The following TAB2 variants were observed in gnomAD, a reference collection of about 807,000 sequenced individuals.
TAB2 encodes the protein TGF-beta activated kinase 1 (MAP3K7) binding protein 2, also known as TGF-beta-activated kinase 1 and MAP3K7-binding protein 2.
TAB2 carries 3 observed loss-of-function variants against 65.0 expected under a neutral mutation model. The ratio of observed to expected loss-of-function variants is 0.05; its 90% CI spans 0.02 to 0.12. The LOEUF (loss-of-function observed/expected upper bound fraction) is 0.12. TAB2 is among the 10% of genes least tolerant of loss of function. The pLI is 1.00. For synonymous variants in TAB2, 298 were observed against 285.1 expected, an observed-to-expected ratio of 1.05 and a Z score of -0.46; for missense variants, 623 against 840.3, an observed-to-expected ratio of 0.74 and a Z score of 3.20.
chr6:149,385,404 G>A (rs1583147423), intron 3 of TAB2, among the ~76,000 whole-genome samples: 1 of 152,198 alleles, frequency 6.6e-6, no homozygotes, highest in African/African-American at 2.4e-5. Context: ...GCACATGCCT[G>A]TAGTTCGAGC....
At chr6:149,269,157 G>C (rs1778316200) in intron 1 of TAB2, among the ~76,000 whole-genome samples, 1 of 152,182 alleles carries the variant, frequency 6.6e-6, no homozygotes. Context: ...AATTGAGTCT[G>C]AGGCATAATA....
intron 1 of TAB2, among the ~76,000 whole-genome samples, chr6:149,353,962 A>C (rs1237211386): frequency 6.6e-6 from 1 of 152,222 alleles, no homozygotes; most frequent in Admixed American, 6.5e-5. Flanking sequence ...TTTGGAGTCC[A>C]AGTTATATTT....
At position 149,357,217 on chromosome 6, in the gene TAB2, A is replaced by G. The variant is rs981475039; in HGVS notation, c.-89-12692A>G. On this transcript the variant is annotated intron_variant, in intron 1 of 6. Coordinates refer to ENST00000637181, the MANE Select transcript of TAB2 (RefSeq NM_001292034.3). The stretch of plus-strand genomic sequence containing the variant: ...CAGATCACGAGGTCAGGAGTTCGAG[A>G]GCAGCCTGGCCAATATGGTGAAGTC... Among the ~76,000 whole-genome samples, 9 of 152,108 alleles carry G rather than the reference A, an allele frequency of 5.9e-5. No homozygotes were observed. The East Asian group carries it at 1.2e-3, about 20-fold the overall frequency.
intron 1 of TAB2, among the ~76,000 whole-genome samples, chr6:149,271,933 C>T (rs969428237): frequency 2.0e-5 from 3 of 152,018 alleles, no homozygotes; most frequent in African/African-American, 7.2e-5. Flanking sequence ...CTCTGAAGGA[C>T]GCTGAGCATC....
intron 1 of TAB2, among the ~76,000 whole-genome samples, chr6:149,234,294 C>A (rs527305934): frequency 6.6e-6 from 1 of 152,142 alleles, no homozygotes; most frequent in African/African-American, 2.4e-5. Context: ...TCTTGCTACT[C>A]GGATGTTTTA....
intron 3 of TAB2, among the ~76,000 whole-genome samples, chr6:149,388,999 A>T (rs555908866): frequency 7.2e-6 from 1 of 139,736 alleles, no homozygotes; most frequent in East Asian, 2.1e-4. Flanking sequence ...TCTGTCACCC[A>T]GGCTGGAGTG....
At chr6:149,387,077 C>T (rs1196971637) in intron 3 of TAB2, among the ~76,000 whole-genome samples, 1 of 152,036 alleles carries the variant, frequency 6.6e-6, no homozygotes, top group East Asian at 1.9e-4. Context: ...TGATGGTGTC[C>T]TTTAAGCACA....
At chr6:149,371,273 T>C in intron 2 of TAB2, among the ~76,000 whole-genome samples, 1 of 152,132 alleles carries the variant, frequency 6.6e-6, no homozygotes, top group Non-Finnish European at 1.5e-5. Context: ...GTCTCTCCAA[T>C]CTATCCTCTT....
In TAB2 at chr6:149,409,584, G is replaced by T; in HGVS notation, c.1947G>T (p.Arg649Ser). ...TTTTTTTCTTTCTTACAGATCAAAG[G>T]TCCATCATCAAAACACCAAAGACTC... is the stretch of plus-strand genomic sequence containing the variant. ...GPVPPKPKDQ[R>S]SIIKTPKTQD... Residue 649 changes from arginine to serine, a missense_variant, in exon 7 of 7, where the codon AGG (arginine) becomes AGT (serine). By Grantham distance (110) the Arg-to-Ser change is moderately radical (BLOSUM62 -1). Coordinates refer to ENST00000637181, the MANE Select transcript of TAB2 (RefSeq NM_001292034.3). 6.2e-7 allele frequency: 1 copy of T among 1,613,604 alleles called. No individual in the cohort carries two copies. Among genetic ancestry groups the T allele is most frequent in the Non-Finnish European group, 8.5e-7 (1 of 1,179,568 alleles).
chr6:149,220,454 T>C (rs956283848), intron 1 of TAB2, among the ~76,000 whole-genome samples: 2 of 152,230 alleles, frequency 1.3e-5, no homozygotes, highest in Non-Finnish European at 2.9e-5. Context: ...GTTGGTCATT[T>C]GGAAGCTCAC....
chr6:149,242,954 G>A (rs115734343), intron 1 of TAB2, among the ~76,000 whole-genome samples: 1,655 of 152,224 alleles, frequency 0.011, 31 homozygotes, highest in African/African-American at 0.038. Context: ...TCATCACCTT[G>A]CTATAAACTG....
intron 1 of TAB2, chr6:149,245,108 C>G (rs149635882): frequency 3.3e-5 from 5 of 152,198 alleles, no homozygotes; most frequent in African/African-American, 7.2e-5. Context: ...ACACTCATAA[C>G]CACGATGCTA....
intron 3 of TAB2, among the ~76,000 whole-genome samples, chr6:149,382,885 G>A (rs936828643): frequency 4.6e-5 from 7 of 152,146 alleles, no homozygotes; most frequent in Non-Finnish European, 1.0e-4. Flanking sequence ...TGGGCATGGT[G>A]GCTCATGCCT....
chr6:149,360,288 A>G (rs1382643251), intron 1 of TAB2, among the ~76,000 whole-genome samples: 1 of 152,176 alleles, frequency 6.6e-6, no homozygotes, highest in Non-Finnish European at 1.5e-5. Context: ...ATAAGGGTTT[A>G]ATTGGCTCCT....
chr6:149,354,513 C>T (rs1780592672), intron 1 of TAB2, among the ~76,000 whole-genome samples: 2 of 151,914 alleles, frequency 1.3e-5, no homozygotes, highest in Admixed American at 6.6e-5. Flanking sequence ...ATTACAGAAA[C>T]AATATATTAA....
At chr6:149,349,007 A>C (rs937722559) in intron 1 of TAB2, among the ~76,000 whole-genome samples, 1 of 151,960 alleles carries the variant, frequency 6.6e-6, no homozygotes, top group Non-Finnish European at 1.5e-5. Flanking sequence ...AATTTTATTC[A>C]TGTTAAATAA....
intron 1 of TAB2, among the ~76,000 whole-genome samples, chr6:149,277,250 T>C (rs1004983660): frequency 6.6e-6 from 1 of 152,188 alleles, no homozygotes; most frequent in African/African-American, 2.4e-5. Flanking sequence ...TTCATTGCAG[T>C]TTTGTGTGTA....
At chr6:149,403,847 A>G (rs997157278) in intron 6 of TAB2, among the ~76,000 whole-genome samples, 4 of 152,122 alleles carry the variant, frequency 2.6e-5, no homozygotes, top group African/African-American at 7.2e-5. Flanking sequence ...TTATTGAGAA[A>G]CCTGCACCAA....
chr6:149,378,841 A>G lies in TAB2; in HGVS notation c.926A>G (p.His309Arg). The G allele has an allele frequency of 1.9e-6, 3 of 1,614,188 alleles. No homozygotes were observed. The highest frequency in any genetic ancestry group is 2.5e-6 in the Non-Finnish European group (3 of 1,180,038). ...HSSGSSQSSAHSQYNIQNIST... is the reference protein window; with the variant it reads ...HSSGSSQSSARSQYNIQNIST... ...TCTGGTAGCTCACAGTCTTCTGCCC[A>G]TAGCCAATATAACATTCAGAATATT... is the stretch of plus-strand genomic sequence containing the variant. Residue 309 changes from histidine to arginine, a missense_variant, in exon 3 of 7, where the codon CAT becomes CGT. His to Arg is a conservative substitution (Grantham distance 29). Around this residue, in one of 3 missense-constraint regions of TAB2, gnomAD observed 550 missense variants for 665.7 expected, o/e 0.83. Transcript: ENST00000637181.
Sources: allele counts gnomAD v4.1 joint callset (sites outside exome capture counted in the v4.1 genomes callset), GRCh38; gene constraint gnomAD v4.1.1; regional missense constraint gnomAD v4.1.1; transcripts MANE v1.5; gene names NCBI Gene and HGNC (gene_info 2026-07-23, HGNC 2026-07-21).